The following HDLBP variants were observed in gnomAD, a reference collection of about 807,000 sequenced individuals.
HDLBP encodes vigilin.
HDLBP carries 30 observed loss-of-function variants against 137.3 expected under a neutral mutation model. The observed-to-expected ratio is 0.22, with a 90% CI of 0.16 to 0.30. The LOEUF is 0.30. Among genes scored for constraint, HDLBP ranks in the 10% least tolerant of loss-of-function variants. HDLBP has a pLI of 1.00. For synonymous variants in HDLBP, 606 were observed against 596.0 expected, an observed-to-expected ratio of 1.02 and a Z score of -0.24; for missense variants, 1,119 against 1,667.3, an observed-to-expected ratio of 0.67 and a Z score of 5.73.
In HDLBP at chr2:241,263,599, T is replaced by C. The variant is rs180770577; in HGVS notation, c.235-673A>G. ...TAGCAGACAGGTGAAAATGGAAGGATTGGGATGCAACTGTTTATGAGCCTA... is the reference window on the plus strand; with the variant it reads ...TAGCAGACAGGTGAAAATGGAAGGACTGGGATGCAACTGTTTATGAGCCTA... On this transcript the variant is annotated intron_variant, in intron 4 of 27. Transcript: ENST00000310931. 2.6e-5 allele frequency among the ~76,000 whole-genome samples: 4 copies of C among 152,084 alleles called. No individual in the cohort carries two copies. In the East Asian group the frequency reaches 5.8e-4, roughly 22 times the overall value.
At chr2:241,254,276 A>G (rs2072440556) in intron 9 of HDLBP, among the ~76,000 whole-genome samples, 3 of 152,134 alleles carry the variant, frequency 2.0e-5, no homozygotes, top group Admixed American at 2.0e-4. Flanking sequence ...AAAAAAAGGA[A>G]TAAAATAAAA....
intron 5 of HDLBP, among the ~76,000 whole-genome samples, chr2:241,259,920 C>T (rs907581966): frequency 6.6e-6 from 1 of 152,206 alleles, no homozygotes; most frequent in Non-Finnish European, 1.5e-5. Flanking sequence ...CAGAGAGAAA[C>T]AGCTGACTCA....
chr2:241,230,800 C>T lies in HDLBP; in HGVS notation c.3433G>A (p.Ala1145Thr). ...ATTTTGCGAATGGCTTTGCCGCGGG[C>T]ACCAATGATGCGGGCGTGAACGCGG... The part of the protein sequence containing the change: ...DHRVHARIIG[A>T]RGKAIRKIMD... The change falls in exon 25 of 28, where the codon GCC becomes ACC. Residue 1145 changes from alanine (A) to threonine (T), a missense_variant. Ala to Thr is a moderately conservative substitution (Grantham distance 58). Around this residue, in one of 4 missense-constraint regions of HDLBP, gnomAD observed 618 missense variants for 816.7 expected, o/e 0.76. Transcript: ENST00000310931. The surrounding 1 kb of genome is among the most constrained non-coding windows in gnomAD (Gnocchi z 5.0). 2 of 1,614,242 alleles carry T rather than the reference C, an allele frequency of 1.2e-6. No individual in the cohort carries two copies. Among genetic ancestry groups the T allele is most frequent in the Non-Finnish European group, 1.7e-6 (2 of 1,180,020 alleles).
Position 241,233,656 on chromosome 2 carries a change from C to T in HDLBP, c.3288+164G>A, listed in dbSNP as rs1241021276. On this transcript the variant is annotated intron_variant, in intron 24 of 27. Coordinates refer to ENST00000310931, the MANE Select transcript of HDLBP (RefSeq NM_005336.6). The surrounding 1 kb of genome is among the most constrained non-coding windows in gnomAD (Gnocchi z 4.3). ...GAGACCTCACCCATCTGGCAAGTACCGAGACACAGCCCAAACCTCAAGCCA... is the reference window on the plus strand; with the variant it reads ...GAGACCTCACCCATCTGGCAAGTACTGAGACACAGCCCAAACCTCAAGCCA... 6.6e-6 allele frequency among the ~76,000 whole-genome samples: 1 copy of T among 152,136 alleles called. No homozygotes were observed. Among genetic ancestry groups the T allele is most frequent in the Non-Finnish European group, 1.5e-5 (1 of 68,016 alleles).
chr2:241,312,442 C>A (rs753792984), intron 1 of HDLBP, among the ~76,000 whole-genome samples: 1 of 152,152 alleles, frequency 6.6e-6, no homozygotes, highest in Non-Finnish European at 1.5e-5. Flanking sequence ...AAAAAAGGTT[C>A]TTTTCATTAT....
At chr2:241,234,749 C>A in intron 23 of HDLBP, among the ~76,000 whole-genome samples, 1 of 152,210 alleles carries the variant, frequency 6.6e-6, no homozygotes, top group East Asian at 1.9e-4. Context: ...CCTTTGACCA[C>A]CCTGTGCTAG....
chr2:241,250,069 A>T (rs2072006189), intron 11 of HDLBP, 89 bp from the exon 12 acceptor site: 1 of 1,279,130 alleles, frequency 7.8e-7, no homozygotes, highest in African/African-American at 1.5e-5. Context: ...CTAAAGCGCT[A>T]AATAACCTTA....
chr2:241,285,839 G>C (rs1408028345), intron 1 of HDLBP, among the ~76,000 whole-genome samples: 1 of 151,926 alleles, frequency 6.6e-6, no homozygotes, highest in Admixed American at 6.6e-5. Flanking sequence ...GACCAGCCTG[G>C]GCAACAAAGT....
At chr2:241,281,570 T>C (rs1022404186) in intron 1 of HDLBP, among the ~76,000 whole-genome samples, 22 of 152,196 alleles carry the variant, frequency 1.4e-4, no homozygotes, top group South Asian at 8.3e-4. Flanking sequence ...AAAGAATAAA[T>C]TGATGGATTT....
At chr2:241,258,346 C>CAAAAAA (rs34675892) in intron 5 of HDLBP, among the ~76,000 whole-genome samples, 1 of 55,458 alleles carries the variant, frequency 1.8e-5, no homozygotes, top group Non-Finnish European at 3.1e-5. Context: ...GACTCCGTCT[C>CAAAAAA]AAAAAAAAAA....
chr2:241,295,383 G>C (rs1040571864), intron 1 of HDLBP, among the ~76,000 whole-genome samples: 9 of 152,188 alleles, frequency 5.9e-5, no homozygotes, highest in Admixed American at 5.9e-4. Context: ...AAATACCACT[G>C]TCTGCAGATG....
At chr2:241,274,178 T>TGGAGCA (rs954926121) in intron 1 of HDLBP, among the ~76,000 whole-genome samples, 1 of 151,714 alleles carries the variant, frequency 6.6e-6, no homozygotes, top group African/African-American at 2.4e-5. Flanking sequence ...GGTGGGGAAG[T>TGGAGCA]GGAGCAGGCA....
intron 1 of HDLBP, among the ~76,000 whole-genome samples, chr2:241,284,756 C>A (rs181883149): frequency 1.3e-5 from 2 of 152,336 alleles, no homozygotes; most frequent in African/African-American, 2.4e-5. Flanking sequence ...GTCACCCCAA[C>A]ATGTAGCAAC....
intron 26 of HDLBP, 26 bp from the exon 27 acceptor site, chr2:241,229,987 G>A: frequency 6.3e-7 from 1 of 1,582,350 alleles, no homozygotes; most frequent in Non-Finnish European, 8.6e-7. Flanking sequence ...AGGAAGACAG[G>A]GTCAGTCTGC....
At chr2:241,265,877 TC>T (rs765785017) in intron 3 of HDLBP, among the ~76,000 whole-genome samples, 50 of 152,250 alleles carry the variant, frequency 3.3e-4, no homozygotes, top group South Asian at 1.9e-3. Flanking sequence ...AGGAGGAGGA[TC>T]CCAGGCCCCC....
At chr2:241,258,151 C>A (rs1310984883) in intron 5 of HDLBP, among the ~76,000 whole-genome samples, 2 of 151,924 alleles carry the variant, frequency 1.3e-5, no homozygotes, top group Admixed American at 6.6e-5. Context: ...GTAATCCCAG[C>A]ACTTTGGGAG....
At chr2:241,280,781 G>A (rs1379249601) in intron 1 of HDLBP, among the ~76,000 whole-genome samples, 1 of 151,936 alleles carries the variant, frequency 6.6e-6, no homozygotes, top group East Asian at 1.9e-4. Context: ...TAAGTTTTGG[G>A]GCCTTTTCTG....
intron 2 of HDLBP, chr2:241,267,437 G>T: frequency 1.3e-6 from 1 of 758,882 alleles, no homozygotes; most frequent in Non-Finnish European, 2.2e-6. Context: ...CAGAGACACA[G>T]TCAACACCAC....
At chr2:241,315,200 C>CCCCGGG (rs2076001332) in intron 1 of HDLBP, 1 of 152,166 alleles carries the variant, frequency 6.6e-6, no homozygotes, top group Admixed American at 6.5e-5. Flanking sequence ...AAGGCCACGT[C>CCCCGGG]CCCGGGGAGG....
Sources: allele counts gnomAD v4.1 joint callset (sites outside exome capture counted in the v4.1 genomes callset), GRCh38; gene constraint gnomAD v4.1.1; regional missense constraint gnomAD v4.1.1; non-coding constraint Gnocchi (gnomAD v3.1); transcripts MANE v1.5; gene names NCBI Gene and HGNC (gene_info 2026-07-23, HGNC 2026-07-21).